The following ZNF277 variants were observed in gnomAD, a reference collection of about 807,000 sequenced individuals.
The protein encoded by ZNF277 is zinc finger protein 277.
ZNF277 carries 55 observed loss-of-function variants against 60.7 expected under a neutral mutation model. That is an observed-to-expected ratio of 0.91 (90% CI 0.73 to 1.13). The LOEUF (loss-of-function observed/expected upper bound fraction) is 1.13. Ranked by LOEUF, ZNF277 falls within the 50% of genes most tolerant of loss-of-function variation. The pLI is 0.00. For synonymous variants in ZNF277, 178 were observed against 179.3 expected, an observed-to-expected ratio of 0.99 and a Z score of 0.06; for missense variants, 510 against 523.0, an observed-to-expected ratio of 0.98 and a Z score of 0.24.
intron 11 of ZNF277, among the ~76,000 whole-genome samples, chr7:112,341,660 C>T (rs986784596): frequency 6.6e-6 from 1 of 152,136 alleles, no homozygotes; most frequent in Admixed American, 6.5e-5. Flanking sequence ...TATCCTTTGC[C>T]AGAACTTTGT....
chr7:112,304,537 C>T (rs967389586), intron 4 of ZNF277, among the ~76,000 whole-genome samples: 1 of 152,080 alleles, frequency 6.6e-6, no homozygotes, highest in African/African-American at 2.4e-5. Flanking sequence ...ATAATTTATT[C>T]ATGTTTCCAT....
At chr7:112,335,927 G>A (rs1793320226) in intron 7 of ZNF277, among the ~76,000 whole-genome samples, 177 bp from the exon 8 acceptor site, 1 of 152,172 alleles carries the variant, frequency 6.6e-6, no homozygotes, top group Non-Finnish European at 1.5e-5. Context: ...AAAAAAAAGT[G>A]TTGAATCAAA....
intron 1 of ZNF277, among the ~76,000 whole-genome samples, chr7:112,225,083 A>G (rs1169161197): frequency 6.6e-6 from 1 of 152,232 alleles, no homozygotes; most frequent in Non-Finnish European, 1.5e-5. Flanking sequence ...GAGCTCAATT[A>G]CTGGAAAAAG....
intron 1 of ZNF277, among the ~76,000 whole-genome samples, chr7:112,239,763 A>G (rs1030317166): frequency 2.0e-5 from 3 of 152,238 alleles, no homozygotes; most frequent in African/African-American, 7.2e-5. Flanking sequence ...GTAAGTACAC[A>G]GACAAGTACA....
At chr7:112,302,380 G>A (rs1311332069) in intron 4 of ZNF277, among the ~76,000 whole-genome samples, 1 of 151,836 alleles carries the variant, frequency 6.6e-6, no homozygotes, top group Non-Finnish European at 1.5e-5. Flanking sequence ...TCAAATTACT[G>A]TATGCCAACA....
At chr7:112,253,032 G>A (rs1338083024) in intron 1 of ZNF277, among the ~76,000 whole-genome samples, 3 of 152,164 alleles carry the variant, frequency 2.0e-5, no homozygotes, top group Admixed American at 1.3e-4. Flanking sequence ...AGTAGTGTCT[G>A]TGAATGGATT....
At chr7:112,221,393 T>A (rs1822026737) in intron 1 of ZNF277, among the ~76,000 whole-genome samples, 1 of 152,144 alleles carries the variant, frequency 6.6e-6, no homozygotes, top group South Asian at 2.1e-4. Context: ...TCGGGAGCTC[T>A]GGGAGGAAGG....
intron 4 of ZNF277, 110 bp downstream of exon 4, chr7:112,296,421 A>G (rs1792333498): frequency 1.8e-6 from 1 of 545,384 alleles, no homozygotes; most frequent in South Asian, 3.7e-5. Flanking sequence ...ACTTTCAAAC[A>G]TATGTAAAAG....
intron 4 of ZNF277, among the ~76,000 whole-genome samples, chr7:112,304,328 G>T (rs915961516): frequency 6.6e-6 from 1 of 152,004 alleles, no homozygotes; most frequent in Non-Finnish European, 1.5e-5. Context: ...AAATGCTCTA[G>T]TGATCAGACT....
chr7:112,252,973 C>T (rs989412370), intron 1 of ZNF277, among the ~76,000 whole-genome samples: 3 of 152,088 alleles, frequency 2.0e-5, no homozygotes, highest in Non-Finnish European at 2.9e-5. Context: ...GAGAAAGTCA[C>T]AGAGAGGAAG....
At position 112,267,717 on chromosome 7, in the gene ZNF277, T is replaced by C. The variant is rs1273009918; in HGVS notation, c.92-19156T>C. 2.6e-5 allele frequency among the ~76,000 whole-genome samples: 4 copies of C among 152,126 alleles called. No individual in the cohort carries two copies. The East Asian group carries it at 7.7e-4, about 29-fold the overall frequency. On this transcript the variant is annotated intron_variant, in intron 1 of 11. Coordinates refer to ENST00000361822, the MANE Select transcript of ZNF277 (RefSeq NM_021994.3). ...AGGGGATATTGGCTGACTAGGAAAATAGTAGAAGGTTTGAGGCTTCGGACC... is the reference window on the plus strand; with the variant it reads ...AGGGGATATTGGCTGACTAGGAAAACAGTAGAAGGTTTGAGGCTTCGGACC...
Position 112,295,928 on chromosome 7 carries a change from T to C in ZNF277, c.353T>C (p.Val118Ala). The stretch of plus-strand genomic sequence containing the variant: ...CAGCCCATCACAGATTTTTGTAGTG[T>C]AATAAGAATTAATTCCACTGCTCCA... The part of the protein sequence containing the change: ...TEQPITDFCS[V>A]IRINSTAPFE... The change falls in exon 3 of 12, where the codon GTA becomes GCA. Residue 118 changes from valine to alanine, a missense_variant. Val to Ala is a moderately conservative substitution (Grantham distance 64). Transcript: ENST00000361822. 6.2e-7 allele frequency: 1 copy of C among 1,612,282 alleles called. No homozygotes were observed. Among genetic ancestry groups the C allele is most frequent in the Non-Finnish European group, 8.5e-7 (1 of 1,178,618 alleles).
intron 5 of ZNF277, among the ~76,000 whole-genome samples, chr7:112,322,387 C>T (rs751256768): frequency 1.7e-4 from 26 of 151,870 alleles, no homozygotes; most frequent in Non-Finnish European, 3.1e-4. Flanking sequence ...ACTGGAAAAT[C>T]CCATTTGACC....
intron 4 of ZNF277, among the ~76,000 whole-genome samples, chr7:112,305,818 T>G (rs531558308): frequency 6.6e-6 from 1 of 152,246 alleles, no homozygotes; most frequent in African/African-American, 2.4e-5. Flanking sequence ...TGTCAGTTCC[T>G]CAAAGGAATG....
chr7:112,226,152 C>T (rs564102738), intron 1 of ZNF277, among the ~76,000 whole-genome samples: 1 of 152,212 alleles, frequency 6.6e-6, no homozygotes, highest in East Asian at 1.9e-4. Flanking sequence ...TGTTACCATC[C>T]CAAACAGTTC....
intron 8 of ZNF277, among the ~76,000 whole-genome samples, 195 bp downstream of exon 8, chr7:112,336,366 T>A (rs1196619323): frequency 1.3e-5 from 2 of 152,218 alleles, no homozygotes; most frequent in African/African-American, 2.4e-5. Context: ...AAGACACTGT[T>A]ATTCCAACTA....
At chr7:112,246,825 A>T (rs77161001) in intron 1 of ZNF277, among the ~76,000 whole-genome samples, 1 of 152,224 alleles carries the variant, frequency 6.6e-6, no homozygotes, top group African/African-American at 2.4e-5. Flanking sequence ...ATGAATGACT[A>T]TTAGAAAGGC....
At chr7:112,215,003 G>T (rs1357462575) in intron 1 of ZNF277, among the ~76,000 whole-genome samples, 4 of 152,142 alleles carry the variant, frequency 2.6e-5, no homozygotes, top group Non-Finnish European at 5.9e-5. Context: ...TGTGGTGAGG[G>T]CAGAGTATGT....
At chr7:112,268,634 A>C (rs749739298) in intron 1 of ZNF277, among the ~76,000 whole-genome samples, 4 of 152,188 alleles carry the variant, frequency 2.6e-5, no homozygotes, top group African/African-American at 9.6e-5. Flanking sequence ...TTTTTTGCAT[A>C]TTTAAAATTA....
Sources: allele counts gnomAD v4.1 joint callset (sites outside exome capture counted in the v4.1 genomes callset), GRCh38; gene constraint gnomAD v4.1.1; transcripts MANE v1.5; gene names NCBI Gene and HGNC (gene_info 2026-07-23, HGNC 2026-07-21).